The following TMEM117 variants were observed in gnomAD, a reference collection of about 807,000 sequenced individuals.
The protein encoded by TMEM117 is transmembrane protein 117.
TMEM117 carries 27 observed loss-of-function variants against 52.4 expected under a neutral mutation model. The ratio of observed to expected loss-of-function variants is 0.51; its 90% CI spans 0.38 to 0.71. The LOEUF (loss-of-function observed/expected upper bound fraction) is 0.71. Among genes scored for constraint, TMEM117 ranks in the 30% least tolerant of loss-of-function variants. The pLI, the probability that TMEM117 is intolerant of heterozygous loss-of-function variation, is 0.00. For synonymous variants in TMEM117, 215 were observed against 206.3 expected, an observed-to-expected ratio of 1.04 and a Z score of -0.36; for missense variants, 556 against 630.5, an observed-to-expected ratio of 0.88 and a Z score of 1.26.
At chr12:43,907,312 A>G (rs908618628) in intron 2 of TMEM117, among the ~76,000 whole-genome samples, 1 of 151,256 alleles carries the variant, frequency 6.6e-6, no homozygotes, top group Admixed American at 6.6e-5. Flanking sequence ...AAACTAACAA[A>G]CAGAAAGGAC....
intron 5 of TMEM117, among the ~76,000 whole-genome samples, chr12:44,247,464 C>T (rs1000470030): frequency 6.6e-6 from 1 of 152,048 alleles, no homozygotes; most frequent in Non-Finnish European, 1.5e-5. Context: ...AACAATTGTA[C>T]ATATTTATGG....
At chr12:44,010,309 G>T in intron 3 of TMEM117, 1 of 450,390 alleles carries the variant, frequency 2.2e-6, no homozygotes, top group South Asian at 1.6e-5. Flanking sequence ...CTCTTTCTCA[G>T]CTTGACTACC....
At chr12:43,960,667 C>T (rs958988115) in intron 3 of TMEM117, among the ~76,000 whole-genome samples, 1 of 152,058 alleles carries the variant, frequency 6.6e-6, no homozygotes, top group Non-Finnish European at 1.5e-5. Context: ...TACTCCAGCT[C>T]TCTTATTAAA....
chr12:44,015,822 T>C (rs1355302511), intron 3 of TMEM117, among the ~76,000 whole-genome samples: 1 of 152,168 alleles, frequency 6.6e-6, no homozygotes, highest in Non-Finnish European at 1.5e-5. Flanking sequence ...AAACAAATAT[T>C]ATACACCTCA....
intron 4 of TMEM117, among the ~76,000 whole-genome samples, chr12:44,176,514 A>C (rs558106349): frequency 6.6e-6 from 1 of 152,294 alleles, no homozygotes; most frequent in South Asian, 2.1e-4. Context: ...GGATCCCCAT[A>C]AAGTTGTATA....
At chr12:44,081,091 T>C (rs1283040516) in intron 3 of TMEM117, among the ~76,000 whole-genome samples, 1 of 152,210 alleles carries the variant, frequency 6.6e-6, no homozygotes, top group Admixed American at 6.5e-5. Flanking sequence ...TAAACTATAG[T>C]ATTATTTTCC....
At chr12:43,940,141 C>A (rs1945020433) in intron 2 of TMEM117, among the ~76,000 whole-genome samples, 1 of 152,180 alleles carries the variant, frequency 6.6e-6, no homozygotes, top group South Asian at 2.1e-4. Context: ...TTCATGTAGT[C>A]ATCCCCAAAT....
chr12:43,900,447 C>T (rs1449737142), intron 2 of TMEM117, among the ~76,000 whole-genome samples: 2 of 151,848 alleles, frequency 1.3e-5, no homozygotes, highest in South Asian at 2.1e-4. Flanking sequence ...CGGCTGGGCA[C>T]GGTGGCTCAC....
chr12:44,158,472 T>C (rs1014690454), intron 4 of TMEM117, among the ~76,000 whole-genome samples: 4 of 152,148 alleles, frequency 2.6e-5, no homozygotes, highest in African/African-American at 9.7e-5. Flanking sequence ...TAGTGTCTTA[T>C]GGGATTAAGC....
chr12:44,285,017 G>T (rs543472637), intron 5 of TMEM117, among the ~76,000 whole-genome samples: 1 of 152,182 alleles, frequency 6.6e-6, no homozygotes, highest in African/African-American at 2.4e-5. Flanking sequence ...TTTATATGGA[G>T]ATTGCCAATG....
chr12:44,376,740 G>T lies in TMEM117; in HGVS notation c.898+16G>T. Reference sequence around the variant, plus strand: ...CACATAACAGGTGTGTTATATCTTTGAACACAATTTGATTATCTTCGTACA... The same window carrying T: ...CACATAACAGGTGTGTTATATCTTTTAACACAATTTGATTATCTTCGTACA... On this transcript the variant is annotated intron_variant, in intron 7 of 7. Transcript: ENST00000266534. The T allele has an allele frequency of 6.3e-7, 1 of 1,580,330 alleles. No homozygotes were observed. The highest frequency in any genetic ancestry group is 8.6e-7 in the Non-Finnish European group (1 of 1,168,000).
At chr12:43,941,521 A>G (rs1945044564) in intron 2 of TMEM117, among the ~76,000 whole-genome samples, 1 of 152,202 alleles carries the variant, frequency 6.6e-6, no homozygotes, top group South Asian at 2.1e-4. Context: ...GGCAGTTCCA[A>G]GGTTCTTGGT....
At chr12:44,387,951 C>A (rs974215903) in intron 7 of TMEM117, 75 bp from the exon 8 acceptor site, 27 of 1,284,384 alleles carry the variant, frequency 2.1e-5, no homozygotes, top group Non-Finnish European at 2.6e-5. Flanking sequence ...ATACCATTAT[C>A]CTCATTTTAT....
At chr12:44,313,128 A>G (rs1334050020) in intron 6 of TMEM117, among the ~76,000 whole-genome samples, 1 of 152,100 alleles carries the variant, frequency 6.6e-6, no homozygotes, top group Admixed American at 6.5e-5. Context: ...CTCACTTGTC[A>G]ATTTTTGGCT....
At chr12:44,287,064 C>G (rs73274199) in intron 5 of TMEM117, among the ~76,000 whole-genome samples, 2,946 of 152,226 alleles carry the variant, frequency 0.019, 95 homozygotes, top group African/African-American at 0.062. Context: ...TTAACAACAA[C>G]TCTGTGATTC....
chr12:43,909,298 A>G (rs1278650675), intron 2 of TMEM117, among the ~76,000 whole-genome samples: 10 of 49,224 alleles, frequency 2.0e-4, no homozygotes, highest in African/African-American at 3.8e-4. Flanking sequence ...TTTGAAACCA[A>G]CAAGAGCAAA....
rs1448657466 is a variant in TMEM117, at chr12:44,277,305, A to AG, written c.609-22273dup. ...AACATTTCTTTTCTACATCTGGACT[A>AG]GGAAATGTTTCCAATGAACAATCAT... On this transcript the variant is annotated intron_variant, in intron 5 of 7. Transcript: ENST00000266534. Among the ~76,000 whole-genome samples the AG allele has an allele frequency of 2.0e-5, 3 of 152,308 alleles. No homozygotes were observed. In the East Asian group the frequency reaches 5.8e-4, roughly 29 times the overall value.
chr12:43,799,208 GT>G, the TMEM117 span, among the ~76,000 whole-genome samples: 1 of 151,992 alleles, frequency 6.6e-6, no homozygotes, highest in African/African-American at 2.4e-5. Context: ...TGCATATAAA[GT>G]TTAATATTCA....
At chr12:44,349,310 A>G (rs141642549) in intron 6 of TMEM117, among the ~76,000 whole-genome samples, 139 of 152,136 alleles carry the variant, frequency 9.1e-4, no homozygotes, top group African/African-American at 3.1e-3. Flanking sequence ...ATGAATTTCT[A>G]TTGTTTAAAC....
Sources: gnomAD v4.1 joint callset for allele counts (sites outside exome capture counted in the v4.1 genomes callset) on GRCh38, gnomAD v4.1.1 for gene constraint, MANE v1.5 for transcripts, NCBI Gene and HGNC (gene_info 2026-07-23, HGNC 2026-07-21) for gene names.